The following C5orf63 variants were observed in gnomAD, a reference collection of about 807,000 sequenced individuals.
C5orf63 encodes glutaredoxin-like protein C5orf63.
C5orf63 carries 18 observed loss-of-function variants against 13.3 expected under a neutral mutation model. The ratio of observed to expected loss-of-function variants is 1.36; its 90% CI spans 0.94 to 2.01. The LOEUF is 2.01. C5orf63 is among the 30% of genes most tolerant of loss of function. The probability of loss-of-function intolerance (pLI) is 0.00; values close to 1 mark genes in which losing one functional copy is unlikely to be tolerated. For missense variants in C5orf63, 118 were observed against 127.7 expected, an observed-to-expected ratio of 0.92 and a Z score of 0.36; for synonymous variants, 38 against 44.7, an observed-to-expected ratio of 0.85 and a Z score of 0.60.
chr5:127,066,635 C>T (rs183290557), intron 2 of C5orf63, among the ~76,000 whole-genome samples: 1 of 151,708 alleles, frequency 6.6e-6, no homozygotes. Flanking sequence ...AGGGACATGT[C>T]AGAACTCACA....
chr5:127,059,044 A>C (rs1753997792), intron 2 of C5orf63, 42 bp from the exon 3 acceptor site: 4 of 1,169,082 alleles, frequency 3.4e-6, no homozygotes, highest in Admixed American at 4.1e-5. Flanking sequence ...TGTGCCCTAG[A>C]CTTTGTTCCT....
intron 3 of C5orf63, among the ~76,000 whole-genome samples, chr5:127,055,401 G>A (rs930556481): frequency 3.3e-5 from 5 of 152,166 alleles, no homozygotes; most frequent in Admixed American, 6.6e-5. Context: ...TGACTGAACA[G>A]GGACCTGCTA....
At chr5:127,049,762 A>T (rs1368344363), downstream of C5orf63, among the ~76,000 whole-genome samples, 1 of 152,240 alleles carries the variant, frequency 6.6e-6, no homozygotes, top group East Asian at 1.9e-4. Context: ...GTAAACCAGA[A>T]GTCTATGCTT....
intron 2 of C5orf63, among the ~76,000 whole-genome samples, chr5:127,065,361 T>C (rs1754290149): frequency 6.6e-6 from 1 of 152,166 alleles, no homozygotes; most frequent in Admixed American, 6.5e-5. Flanking sequence ...ATAATTCAAA[T>C]GTTATAAGAG....
intron 2 of C5orf63, among the ~76,000 whole-genome samples, chr5:127,060,193 G>C (rs1183306810): frequency 2.0e-5 from 3 of 151,982 alleles, no homozygotes; most frequent in Non-Finnish European, 4.4e-5. Flanking sequence ...GGAACTATAG[G>C]AGAGAATCAG....
At chr5:127,053,362 T>A (rs1753757516) in intron 3 of C5orf63, among the ~76,000 whole-genome samples, 1 of 139,794 alleles carries the variant, frequency 7.2e-6, no homozygotes, top group South Asian at 2.2e-4. Context: ...CAGATTTTAT[T>A]TATTTTATTT....
intron 4 of C5orf63, among the ~76,000 whole-genome samples, chr5:127,052,219 T>C (rs898643721): frequency 6.6e-6 from 1 of 152,168 alleles, no homozygotes; most frequent in South Asian, 2.1e-4. Context: ...CATGTCCCAG[T>C]TGGGAAGCTG....
chr5:127,051,610 T>C lies in C5orf63; in HGVS notation c.*161A>G, dbSNP rs1753677979. On this transcript the variant is annotated 3_prime_UTR_variant, in exon 5 of 5. Coordinates refer to ENST00000296662, the MANE Select transcript of C5orf63 (RefSeq NM_001164478.2). ...AAGCAAACAGTTCCCACACTGATAC[T>C]TCCATCAACCAAAAGGGGAATGTCA... 7.8e-7 allele frequency: 1 copy of C among 1,287,842 alleles called. No individual in the cohort carries two copies. The highest frequency in any genetic ancestry group is 1.5e-5 in the African/African-American group (1 of 66,020). 79.8% of individuals were successfully genotyped at this position (1,287,842 alleles called of 1,614,324 possible). A position where few individuals can be genotyped will look rare whatever the true frequency, so the allele number is the denominator to read the frequency against.
At chr5:127,062,046 T>C (rs1754129810) in intron 2 of C5orf63, among the ~76,000 whole-genome samples, 1 of 152,200 alleles carries the variant, frequency 6.6e-6, no homozygotes, top group Admixed American at 6.5e-5. Flanking sequence ...CCTGGCTGAG[T>C]TGAGACTGAA....
exon 5 of C5orf63, chr5:127,045,430 T>C (rs1459416350): frequency 1.3e-5 from 2 of 152,252 alleles, no homozygotes. Flanking sequence ...TTTGCTTCCA[T>C]TGTCGAATTT....
rs566729039 is a variant in C5orf63 at position 127,069,239 on chromosome 5, A to T, written c.-8+2345T>A. ...AGTTCAAGGGATGGGAAAAAAGTAT[A>T]TAAGGAATTAGGCAGGCTCCTTTCC... On this transcript the variant is annotated intron_variant, in intron 2 of 4. Coordinates refer to ENST00000296662, the MANE Select transcript of C5orf63 (RefSeq NM_001164478.2). Among the ~76,000 whole-genome samples, 21 of 152,344 alleles carry T rather than the reference A, an allele frequency of 1.4e-4. No homozygotes were observed. In the South Asian group the frequency reaches 3.7e-3, roughly 27 times the overall value.
downstream of C5orf63, among the ~76,000 whole-genome samples, chr5:127,049,359 C>T (rs1753601744): frequency 6.6e-6 from 1 of 152,166 alleles, no homozygotes; most frequent in South Asian, 2.1e-4. Flanking sequence ...TGTCCTTCCA[C>T]ACCCTCATAT....
At chr5:127,049,412 A>G (rs1400021174), downstream of C5orf63, among the ~76,000 whole-genome samples, 2 of 152,060 alleles carry the variant, frequency 1.3e-5, no homozygotes, top group African/African-American at 4.8e-5. Flanking sequence ...CCTTACTCCC[A>G]ATCCCCATCC....
downstream of C5orf63, chr5:127,046,518 T>C (rs1447313405): frequency 6.6e-6 from 1 of 152,286 alleles, no homozygotes; most frequent in African/African-American, 2.4e-5. Context: ...TTGAGTATGG[T>C]AGAATGTCAC....
chr5:127,065,300 T>C (rs374728888), intron 2 of C5orf63, among the ~76,000 whole-genome samples: 17 of 152,286 alleles, frequency 1.1e-4, no homozygotes, highest in South Asian at 1.0e-3. Context: ...AGTTAAGACA[T>C]GTATATGAGC....
At chr5:127,064,714 A>G (rs1754255442) in intron 2 of C5orf63, among the ~76,000 whole-genome samples, 1 of 152,194 alleles carries the variant, frequency 6.6e-6, no homozygotes, top group Non-Finnish European at 1.5e-5. Context: ...TGGTCACATG[A>G]GTGCCTGGGA....
chr5:127,070,306 T>TA (rs1295740659), intron 2 of C5orf63, among the ~76,000 whole-genome samples: 3 of 152,276 alleles, frequency 2.0e-5, no homozygotes, highest in East Asian at 3.9e-4. Context: ...CAAAGAGTTT[T>TA]AAAAAAATCA....
At chr5:127,050,350 AT>A (rs200602931), downstream of C5orf63, among the ~76,000 whole-genome samples, 416 of 144,890 alleles carry the variant, frequency 2.9e-3, 1 homozygote, top group African/African-American at 7.3e-3. Flanking sequence ...TTTCTCTTTT[AT>A]TTTTTTTTTT....
chr5:127,051,307 T>C lies in C5orf63; in HGVS notation c.*464A>G, dbSNP rs1447537566. 2.4e-6 allele frequency: 3 copies of C among 1,229,682 alleles called. No individual in the cohort carries two copies. In the African/African-American group the frequency reaches 4.7e-5, roughly 19 times the overall value. 76.2% of individuals were successfully genotyped at this position (1,229,682 alleles called of 1,614,324 possible). ...CTGAATAGGCTTCATGCAGATGTAT[T>C]CCTTAAAACATCGCTTTATTGACCG... On this transcript the variant is annotated 3_prime_UTR_variant, in exon 5 of 5. Transcript: ENST00000296662.
Sources: allele counts gnomAD v4.1 joint callset (sites outside exome capture counted in the v4.1 genomes callset), GRCh38; gene constraint gnomAD v4.1.1; transcripts MANE v1.5; gene names NCBI Gene and HGNC (gene_info 2026-07-23, HGNC 2026-07-21).